CPS1: variants seen among roughly 807,000 people sequenced by gnomAD.
CPS1 encodes the protein carbamoyl-phosphate synthase [ammonia], mitochondrial.
In CPS1, 109 loss-of-function variants were observed where a neutral mutation model predicts 174.6. That is an observed-to-expected ratio of 0.62 (90% CI 0.53 to 0.73). The LOEUF is 0.73. Among genes scored for constraint, CPS1 ranks in the 30% least tolerant of loss-of-function variants. CPS1 has a pLI of 0.00. For missense variants in CPS1, 1,689 were observed against 1,821.9 expected (o/e 0.93, Z 1.33); for synonymous variants, 637 against 632.0 (o/e 1.01, Z -0.12).
chr2:210,659,982 A>G (rs929276196), intron 31 of CPS1, among the ~76,000 whole-genome samples: 1 of 152,190 alleles, frequency 6.6e-6, no homozygotes, highest in Non-Finnish European at 1.5e-5. Flanking sequence ...TAGATAGAAC[A>G]TCATCTGTAA....
intron 1 of CPS1, among the ~76,000 whole-genome samples, chr2:210,529,302 G>A (rs1249609413): frequency 6.6e-6 from 1 of 151,892 alleles, no homozygotes; most frequent in Non-Finnish European, 1.5e-5. Context: ...AAAGACCAGA[G>A]AACCAAGAAT....
Position 210,660,582 on chromosome 2 carries a change from G to A in CPS1, c.3854G>A (p.Gly1285Glu). 6.2e-7 allele frequency: 1 copy of A among 1,614,112 alleles called. No homozygotes were observed. Among genetic ancestry groups the A allele is most frequent in the Admixed American group, 1.7e-5 (1 of 60,020 alleles). Reference sequence around the variant, plus strand: ...GATGTGGCCACCAAGGTGATGATTGGAGAGAATGTTGATGAGAAACATCTT... The same window carrying A: ...GATGTGGCCACCAAGGTGATGATTGAAGAGAATGTTGATGAGAAACATCTT... ...FIDVATKVMI[G>E]ENVDEKHLPT... Residue 1285 changes from glycine (G) to glutamate (E), a missense_variant, in exon 32 of 38, where the codon GGA becomes GAA. By Grantham distance (98) the Gly-to-Glu change is moderately conservative. Coordinates refer to ENST00000233072, the MANE Select transcript of CPS1 (RefSeq NM_001875.5).
chr2:210,599,382 T>G lies in CPS1; in HGVS notation c.1370T>G (p.Val457Gly), dbSNP rs371350538. Reference protein sequence around the residue: ...QAVKAMKEENVKTVLMNPNIA... With the variant: ...QAVKAMKEENGKTVLMNPNIA... ...TTTTGTTTCTTTCAGGAAGAAAATGTCAAAACTGTTCTGATGAACCCAAAC... is the reference window on the plus strand; with the variant it reads ...TTTTGTTTCTTTCAGGAAGAAAATGGCAAAACTGTTCTGATGAACCCAAAC... Residue 457 changes from valine (V) to glycine (G), a missense_variant, in exon 14 of 38, where the codon GTC becomes GGC. Physicochemically the swap from Val to Gly is moderately radical, Grantham distance 109. Transcript: ENST00000233072. The G allele has an allele frequency of 1.2e-6, 2 of 1,612,220 alleles. No individual in the cohort carries two copies. Among genetic ancestry groups the G allele is most frequent in the Non-Finnish European group, 1.7e-6 (2 of 1,178,848 alleles).
chr2:210,516,967 A>C (rs533935609), intron 1 of CPS1, among the ~76,000 whole-genome samples: 15 of 151,952 alleles, frequency 9.9e-5, no homozygotes, highest in African/African-American at 2.7e-4. Context: ...TGCTTTTTCT[A>C]ATGTCCTTTT....
intron 2 of CPS1, among the ~76,000 whole-genome samples, chr2:210,574,211 A>G (rs1227856288): frequency 1.3e-5 from 2 of 152,030 alleles, no homozygotes; most frequent in Non-Finnish European, 2.9e-5. Flanking sequence ...ATTAAATACT[A>G]ATTTACAGCT....
Position 210,660,528 on chromosome 2 carries a change from T to C in CPS1, c.3800T>C (p.Val1267Ala). ...NLRASRSFPF[V>A]SKTLGVDFID... ...AGAGCTTCTCGATCCTTCCCCTTTG[T>C]TTCCAAGACTCTTGGGGTTGACTTC... The change falls in exon 32 of 38, where the codon GTT becomes GCT. Residue 1267 changes from valine (V) to alanine (A), a missense_variant. Val to Ala is a moderately conservative substitution (Grantham distance 64, BLOSUM62 0). Coordinates refer to ENST00000233072, the MANE Select transcript of CPS1 (RefSeq NM_001875.5). 1 of 1,614,156 alleles carries C rather than the reference T, an allele frequency of 6.2e-7. No homozygotes were observed. The highest frequency in any genetic ancestry group is 8.5e-7 in the Non-Finnish European group (1 of 1,179,984).
At chr2:210,633,872 A>G (rs1477447160) in intron 21 of CPS1, among the ~76,000 whole-genome samples, 1 of 152,214 alleles carries the variant, frequency 6.6e-6, no homozygotes, top group African/African-American at 2.4e-5. Flanking sequence ...GTGTTAGCCC[A>G]TGGTCACAAT....
In CPS1 at chr2:210,637,848, AG is replaced by A; in HGVS notation, c.2829+7del. The A allele has an allele frequency of 6.2e-7, 1 of 1,613,854 alleles. No individual in the cohort carries two copies. On this transcript the variant is annotated splice_donor_region_variant and intron_variant, in intron 22 of 37. Coordinates refer to ENST00000233072, the MANE Select transcript of CPS1 (RefSeq NM_001875.5). ...ATCCACCCTTGGGTTAAACAGGTAA[AG>A]GAGTTTCCCTTTTCCCCCATCCCCC... is the stretch of plus-strand genomic sequence containing the variant.
intron 6 of CPS1, among the ~76,000 whole-genome samples, chr2:210,586,279 T>C (rs551528423): frequency 1.7e-4 from 26 of 152,086 alleles, no homozygotes; most frequent in African/African-American, 6.3e-4. Context: ...TTAAATTAGA[T>C]ATGTAATTAC....
chr2:210,506,122 G>A (rs1287623234), intron 1 of CPS1, among the ~76,000 whole-genome samples: 3 of 152,140 alleles, frequency 2.0e-5, no homozygotes, highest in Non-Finnish European at 4.4e-5. Context: ...AGCCTAACTG[G>A]GAGGCACTCC....
intron 1 of CPS1, among the ~76,000 whole-genome samples, chr2:210,561,537 A>C (rs1275423928): frequency 6.6e-6 from 1 of 152,090 alleles, no homozygotes; most frequent in Non-Finnish European, 1.5e-5. Flanking sequence ...ACCTGTTCCA[A>C]AAATTGAGGG....
Position 210,508,615 on chromosome 2 carries a change from A to G in CPS1, c.3+30849A>G, listed in dbSNP as rs536507510. 5.2e-4 allele frequency among the ~76,000 whole-genome samples: 79 copies of G among 152,326 alleles called. 1 individual carries two copies. The highest frequency in any genetic ancestry group is 6.8e-3 in the Middle Eastern group (2 of 294). On this transcript the variant is annotated intron_variant, in intron 1 of 38. Transcript: ENST00000430249. ...GCTGGTTTTGTGAAAAGATCAACAA[A>G]ATTGATAGACCACTAGCAAGACTAA... is the stretch of plus-strand genomic sequence containing the variant.
chr2:210,639,211 G>A lies in CPS1; in HGVS notation c.2891G>A (p.Gly964Asp), dbSNP rs534815243. ...VTNYLYVTYN[G>D]QEHDVNFDDH... ...AACTATCTCTATGTTACCTACAATG[G>A]TCAGGTAGGAATGGGCAAATTGGCC... Residue 964 changes from glycine (G) to aspartate (D), a missense_variant, in exon 23 of 38, where the codon GGT becomes GAT. Coordinates refer to ENST00000233072, the MANE Select transcript of CPS1 (RefSeq NM_001875.5). The A allele has an allele frequency of 6.2e-7, 1 of 1,611,640 alleles. No individual in the cohort carries two copies. Among genetic ancestry groups the A allele is most frequent in the Non-Finnish European group, 8.5e-7 (1 of 1,177,964 alleles).
chr2:210,606,035 T>C (rs542096551), intron 17 of CPS1, among the ~76,000 whole-genome samples: 43 of 152,044 alleles, frequency 2.8e-4, no homozygotes, highest in African/African-American at 1.0e-3. Flanking sequence ...AAAAGAGCTT[T>C]GTTTTTGGCA....
At chr2:210,628,799 CA>C (rs537569828) in intron 21 of CPS1, among the ~76,000 whole-genome samples, 267 of 133,024 alleles carry the variant, frequency 2.0e-3, no homozygotes, top group Middle Eastern at 3.7e-3. Flanking sequence ...GACTCTATCT[CA>C]AAAAAAAAAA....
chr2:210,663,269 C>A, intron 33 of CPS1, 72 bp downstream of exon 33: 1 of 1,413,364 alleles, frequency 7.1e-7, no homozygotes, highest in Non-Finnish European at 1.0e-6. Context: ...GATTTGAATA[C>A]AGTAAAATAA....
intron 20 of CPS1, among the ~76,000 whole-genome samples, chr2:210,613,622 A>AT (rs1269227548): frequency 1.3e-5 from 2 of 151,754 alleles, no homozygotes; most frequent in African/African-American, 2.4e-5. Flanking sequence ...CAGTAAATAG[A>AT]TTTTTTCCTT....
rs1010416269 is a variant in CPS1 at position 210,550,121 on chromosome 2, C to T, written c.4-6598C>T. Among the ~76,000 whole-genome samples the T allele has an allele frequency of 8.6e-5, 13 of 151,970 alleles. No individual in the cohort carries two copies. In the South Asian group the frequency reaches 1.0e-3, roughly 12 times the overall value. The stretch of plus-strand genomic sequence containing the variant: ...ACTGAAAAATTAATAGCTTTATTTC[C>T]GTATTACCTTATCATTTATTTAATA... On this transcript the variant is annotated intron_variant, in intron 1 of 38. Transcript: ENST00000430249.
chr2:210,580,262 G>A (rs1423757886), intron 5 of CPS1, among the ~76,000 whole-genome samples: 1 of 152,054 alleles, frequency 6.6e-6, no homozygotes, highest in African/African-American at 2.4e-5. Context: ...TGCCAAATAA[G>A]CCTTGCATGC....
Sources: allele counts gnomAD v4.1 joint callset (sites outside exome capture counted in the v4.1 genomes callset), GRCh38; gene constraint gnomAD v4.1.1; transcripts MANE v1.5; gene names NCBI Gene and HGNC (gene_info 2026-07-23, HGNC 2026-07-21).